AIMP2: variants seen among roughly 807,000 people sequenced by gnomAD.
The protein encoded by AIMP2 is aminoacyl tRNA synthetase complex interacting multifunctional protein 2.
AIMP2 carries 20 observed loss-of-function variants against 23.4 expected under a neutral mutation model. The ratio of observed to expected loss-of-function variants is 0.85; its 90% CI spans 0.60 to 1.24. The LOEUF (loss-of-function observed/expected upper bound fraction) is 1.24, where lower values mean the gene tolerates loss of function less well. Among genes scored for constraint, AIMP2 ranks in the 50% most tolerant of loss-of-function variants. AIMP2 has a pLI of 0.00. For missense variants in AIMP2, 515 were observed against 414.5 expected, an observed-to-expected ratio of 1.24 and a Z score of -2.10; for synonymous variants, 210 against 170.4, an observed-to-expected ratio of 1.23 and a Z score of -1.81.
chr7:6,009,964 A>ATATATATAT (rs1554310799), intron 1 of AIMP2, among the ~76,000 whole-genome samples: 1 of 42,954 alleles, frequency 2.3e-5, no homozygotes, highest in African/African-American at 8.8e-5. Flanking sequence ...AAAAAAAAAA[A>ATATATATAT]AAAAAAAAAA....
At chr7:6,009,974 A>AAAAAAAAAAAATATATATAT in intron 1 of AIMP2, among the ~76,000 whole-genome samples, 3 of 26,668 alleles carry the variant, frequency 1.1e-4, no homozygotes, top group African/African-American at 1.4e-4. Flanking sequence ...AAAAAAAAAA[A>AAAAAAAAAAAATATATATAT]ATATATATAT....
At chr7:6,018,990 C>CACACACACACACACACAA (rs767819752) in intron 3 of AIMP2, among the ~76,000 whole-genome samples, 1 of 143,612 alleles carries the variant, frequency 7.0e-6, no homozygotes, top group Non-Finnish European at 1.5e-5. Context: ...CACACACACA[C>CACACACACACACACACAA]AATACATGGC....
intron 1 of AIMP2, among the ~76,000 whole-genome samples, chr7:6,011,115 C>G (rs1412455657): frequency 6.6e-6 from 1 of 152,250 alleles, no homozygotes; most frequent in East Asian, 1.9e-4. Context: ...GGATTGTTTT[C>G]CATTTTAACT....
chr7:6,015,317 A>C lies in AIMP2; in HGVS notation c.307A>C (p.Thr103Pro). ...IQADEPTTLT[T>P]NALDLNSVLG... ...AGCGGATGAGCCCACGACTTTAACC[A>C]CCAATGCGCTGGACTTGAATTCAGT... is the stretch of plus-strand genomic sequence containing the variant. Residue 103 changes from threonine (T) to proline (P), a missense_variant, in exon 2 of 4, where the codon ACC becomes CCC. Transcript: ENST00000223029. The C allele has an allele frequency of 6.2e-7, 1 of 1,614,172 alleles. No individual in the cohort carries two copies. The highest frequency in any genetic ancestry group is 8.5e-7 in the Non-Finnish European group (1 of 1,180,030).
chr7:6,023,379 G>T lies in AIMP2; in HGVS notation c.651G>T (p.Leu217Phe), dbSNP rs761417289. The change falls in exon 4 of 4, where the codon TTG becomes TTT. Residue 217 changes from leucine (L) to phenylalanine (F), a missense_variant. Leu to Phe is a conservative substitution (Grantham distance 22, BLOSUM62 0). Coordinates refer to ENST00000223029, the MANE Select transcript of AIMP2 (RefSeq NM_006303.4). ...IEGEGNIARFLFSLFGQKHNA... is the reference protein window; with the variant it reads ...IEGEGNIARFFFSLFGQKHNA... ...GCGAAGGGAACATTGCACGTTTCTT[G>T]TTCTCTCTGTTTGGCCAGAAGCATA... The T allele has an allele frequency of 1.2e-6, 2 of 1,614,102 alleles. No homozygotes were observed. The highest frequency in any genetic ancestry group is 1.7e-6 in the Non-Finnish European group (2 of 1,180,008).
At chr7:6,015,446 C>A in intron 2 of AIMP2, 94 bp downstream of exon 2, 1 of 1,397,810 alleles carries the variant, frequency 7.2e-7, no homozygotes, top group Non-Finnish European at 1.0e-6. Flanking sequence ...GCTTTCAGGC[C>A]GGGCGTGGTG....
intron 1 of AIMP2, chr7:6,013,049 A>G: frequency 2.4e-6 from 2 of 848,818 alleles, no homozygotes; most frequent in Non-Finnish European, 2.8e-6. Context: ...GGAACAGCAC[A>G]TGTGAAGATC....
intron 2 of AIMP2, among the ~76,000 whole-genome samples, chr7:6,017,468 G>A (rs1315267273): frequency 2.0e-5 from 3 of 150,710 alleles, no homozygotes; most frequent in African/African-American, 7.3e-5. Flanking sequence ...AGGTTGCAGT[G>A]AGCAGAGATC....
At chr7:6,012,830 G>T (rs1786777340) in intron 1 of AIMP2, 1 of 1,014,962 alleles carries the variant, frequency 9.9e-7, no homozygotes, top group Non-Finnish European at 1.2e-6. Context: ...GAGATTACAG[G>T]TATCAGCCAC....
chr7:6,013,255 A>ATTTTTTTTTTTTTTTTTTTTTTTTTT (rs71008349), intron 1 of AIMP2: 1 of 117,290 alleles, frequency 8.5e-6, no homozygotes, highest in African/African-American at 3.2e-5. Context: ...ACAATATCTG[A>ATTTTTTTTTTTTTTTTTTTTTTTTTT]TTTTTTTTTT....
intron 3 of AIMP2, among the ~76,000 whole-genome samples, chr7:6,020,065 C>T (rs562184149): frequency 6.6e-6 from 1 of 150,976 alleles, no homozygotes; most frequent in African/African-American, 2.4e-5. Context: ...GTCACTATAG[C>T]TGCACCAGGA....
chr7:6,018,146 CTTTTTTTT>C (rs371698854), intron 3 of AIMP2, 101 bp downstream of exon 3: 20 of 591,830 alleles, frequency 3.4e-5, no homozygotes, highest in Non-Finnish European at 4.5e-5. Flanking sequence ...TTTTCTTTTT[CTTTTTTTT>C]TTTTTTTTTT....
chr7:6,009,949 CAAAAAAA>C (rs1156596688), intron 1 of AIMP2, among the ~76,000 whole-genome samples: 7 of 22,476 alleles, frequency 3.1e-4, no homozygotes, highest in Admixed American at 6.4e-4. Context: ...AACTCTATCT[CAAAAAAA>C]AAAAAAAAAA....
At chr7:6,021,482 G>A (rs1562732793) in intron 3 of AIMP2, among the ~76,000 whole-genome samples, 2 of 152,052 alleles carry the variant, frequency 1.3e-5, no homozygotes, top group Non-Finnish European at 2.9e-5. Flanking sequence ...GGAGAAACCT[G>A]TGTCCAGATG....
Position 6,017,842 on chromosome 7 carries a change from T to A in AIMP2, c.371T>A (p.Ile124Asn). 6.2e-7 allele frequency: 1 copy of A among 1,614,050 alleles called. No individual in the cohort carries two copies. Among genetic ancestry groups the A allele is most frequent in the Non-Finnish European group, 8.5e-7 (1 of 1,180,000 alleles). ...TACGGGGCGCTGAAAGACATCGTGATCAACGCAAACCCGGCCTCCCCTCCC... is the reference window on the plus strand; with the variant it reads ...TACGGGGCGCTGAAAGACATCGTGAACAACGCAAACCCGGCCTCCCCTCCC... ...KDYGALKDIVINANPASPPLS... is the reference protein window; with the variant it reads ...KDYGALKDIVNNANPASPPLS... The change falls in exon 3 of 4, where the codon ATC (isoleucine) becomes AAC (asparagine). Residue 124 changes from isoleucine (I) to asparagine (N), a missense_variant. Coordinates refer to ENST00000223029, the MANE Select transcript of AIMP2 (RefSeq NM_006303.4).
At chr7:6,014,350 C>T (rs560813592) in intron 1 of AIMP2, among the ~76,000 whole-genome samples, 273 of 149,614 alleles carry the variant, frequency 1.8e-3, no homozygotes, top group Non-Finnish European at 3.5e-3. Context: ...CCCCGCCTCC[C>T]GGGTTCAAGC....
At chr7:6,019,977 GC>G (rs1787279055) in intron 3 of AIMP2, among the ~76,000 whole-genome samples, 1 of 141,294 alleles carries the variant, frequency 7.1e-6, no homozygotes, top group Non-Finnish European at 1.5e-5. Context: ...AGCTGAAGTC[GC>G]ACCACTGCAT....
intron 1 of AIMP2, among the ~76,000 whole-genome samples, chr7:6,014,330 T>A (rs1786883333): frequency 7.1e-6 from 1 of 141,842 alleles, no homozygotes; most frequent in Non-Finnish European, 1.5e-5. Flanking sequence ...CGATCTTGGC[T>A]CACTGCAACC....
intron 3 of AIMP2, 119 bp from the exon 4 acceptor site, chr7:6,023,184 A>G (rs536250372): frequency 8.1e-7 from 1 of 1,229,634 alleles, no homozygotes; most frequent in East Asian, 2.4e-5. Flanking sequence ...TTCTTCTTGA[A>G]AACACCCTTT....
Sources: allele counts gnomAD v4.1 joint callset (sites outside exome capture counted in the v4.1 genomes callset), GRCh38; gene constraint gnomAD v4.1.1; transcripts MANE v1.5; gene names NCBI Gene and HGNC (gene_info 2026-07-23, HGNC 2026-07-21).